MAPK10: variants seen among roughly 807,000 people sequenced by gnomAD.
The protein encoded by MAPK10 is mitogen-activated protein kinase 10.
MAPK10 carries 25 observed loss-of-function variants against 59.3 expected under a neutral mutation model. That is an observed-to-expected ratio of 0.42 (90% CI 0.31 to 0.59). The LOEUF is 0.59. Among genes scored for constraint, MAPK10 ranks in the 20% least tolerant of loss-of-function variants. The pLI, the probability that MAPK10 is intolerant of heterozygous loss-of-function variation, is 0.15. For synonymous variants in MAPK10, 190 were observed against 200.5 expected (o/e 0.95, Z 0.44); for missense variants, 351 against 568.9 (o/e 0.62, Z 3.90).
chr4:86,105,039 G>T (rs1253871608), intron 5 of MAPK10, among the ~76,000 whole-genome samples: 1 of 152,002 alleles, frequency 6.6e-6, no homozygotes, highest in Non-Finnish European at 1.5e-5. Context: ...TGTTTGTCAG[G>T]CCCCACTAGT....
intron 13 of MAPK10, among the ~76,000 whole-genome samples, chr4:86,021,666 C>A (rs1362846646): frequency 6.6e-6 from 1 of 152,214 alleles, no homozygotes; most frequent in Non-Finnish European, 1.5e-5. Flanking sequence ...GGGTGGTGCT[C>A]GTCGGGGAGG....
chr4:86,075,104 T>A (rs1019029448), intron 9 of MAPK10, among the ~76,000 whole-genome samples: 2 of 151,084 alleles, frequency 1.3e-5, no homozygotes, highest in African/African-American at 4.9e-5. Flanking sequence ...TTTTTATTCT[T>A]TTTTCTCTAA....
intron 1 of MAPK10, among the ~76,000 whole-genome samples, chr4:86,561,267 G>A (rs575648779): frequency 1.3e-5 from 2 of 152,300 alleles, no homozygotes; most frequent in South Asian, 2.1e-4. Flanking sequence ...TGGCCTGGGG[G>A]ATGGGGATCC....
Position 86,537,067 on chromosome 4 carries a change from G to A in MAPK10, c.-263+56843C>T, listed in dbSNP as rs573460700. Among the ~76,000 whole-genome samples, 37 of 152,252 alleles carry A rather than the reference G, an allele frequency of 2.4e-4. No homozygotes were observed. In the South Asian group the frequency reaches 6.4e-3, roughly 26 times the overall value. The stretch of plus-strand genomic sequence containing the variant: ...TGAGGGTAGCCTGACTCAGGTTGTC[G>A]GAACCTCAGTAGGATGAAGAGGGAA... On this transcript the variant is annotated intron_variant, in intron 1 of 4. Transcript: ENST00000502302.
At chr4:86,217,810 T>TTA (rs138137476) in intron 2 of MAPK10, among the ~76,000 whole-genome samples, 12,809 of 151,976 alleles carry the variant, frequency 0.084, 1,191 homozygotes, top group African/African-American at 0.23. Context: ...ATATATATGC[T>TTA]TATATATATA....
intron 2 of MAPK10, among the ~76,000 whole-genome samples, chr4:86,349,340 T>G (rs1418009461): frequency 6.6e-6 from 1 of 152,258 alleles, no homozygotes; most frequent in Non-Finnish European, 1.5e-5. Flanking sequence ...TTCATGTGTC[T>G]GTCTTTGTCC....
Position 86,375,698 on chromosome 4 carries a change from G to A in MAPK10, c.-121-21054C>T, listed in dbSNP as rs1408625484. ...CCACTGCACTCCAGCTAGGGTGACAGAGCAAGGTCCACTCTAAAAAAAAAA... is the reference window on the plus strand; with the variant it reads ...CCACTGCACTCCAGCTAGGGTGACAAAGCAAGGTCCACTCTAAAAAAAAAA... On this transcript the variant is annotated intron_variant, in intron 1 of 13. Coordinates refer to the MAPK10 transcript ENST00000361569. 3.1e-4 allele frequency among the ~76,000 whole-genome samples: 31 copies of A among 100,254 alleles called. No homozygotes were observed. The Admixed American group carries it at 5.2e-3, about 17-fold the overall frequency. 65.8% of individuals were successfully genotyped at this position (100,254 alleles called of 152,430 possible).
chr4:86,322,278 A>G (rs2095913116), intron 2 of MAPK10, among the ~76,000 whole-genome samples: 1 of 152,240 alleles, frequency 6.6e-6, no homozygotes, highest in Non-Finnish European at 1.5e-5. Context: ...TCTTTTCTGC[A>G]TCAGCTTCTC....
intron 5 of MAPK10, among the ~76,000 whole-genome samples, chr4:86,103,516 C>G (rs1378067710): frequency 1.3e-5 from 2 of 151,970 alleles, no homozygotes; most frequent in East Asian, 1.9e-4. Context: ...ACACTGCTTT[C>G]AAGTGTGATT....
chr4:86,529,163 T>C (rs970736354), intron 1 of MAPK10, among the ~76,000 whole-genome samples: 3 of 152,232 alleles, frequency 2.0e-5, no homozygotes, highest in African/African-American at 7.2e-5. Flanking sequence ...TTTAGCCTAT[T>C]GTCTCCGGGC....
chr4:86,097,155 A>C (rs1039186719), intron 9 of MAPK10, among the ~76,000 whole-genome samples: 1 of 152,026 alleles, frequency 6.6e-6, no homozygotes, highest in African/African-American at 2.4e-5. Flanking sequence ...AATATCTTCA[A>C]AATCTGGTAT....
At chr4:86,088,245 G>A (rs1439677009) in intron 9 of MAPK10, among the ~76,000 whole-genome samples, 3 of 152,176 alleles carry the variant, frequency 2.0e-5, no homozygotes, top group African/African-American at 4.8e-5. Flanking sequence ...GCAGCAGCAC[G>A]ATCACTGCTC....
chr4:86,236,580 A>G (rs965829601), intron 2 of MAPK10, among the ~76,000 whole-genome samples: 1 of 152,200 alleles, frequency 6.6e-6, no homozygotes, highest in African/African-American at 2.4e-5. Context: ...GTATTTTTCA[A>G]GTATATTTTG....
chr4:86,119,583 CAAAAAAAAAAAA>C, intron 4 of MAPK10: 1 of 52,658 alleles, frequency 1.9e-5, no homozygotes, highest in South Asian at 8.8e-4. Context: ...GACTCCATCA[CAAAAAAAAAAAA>C]AAAAAAAAAG....
chr4:86,566,889 C>G (rs573806126), intron 1 of MAPK10, among the ~76,000 whole-genome samples: 2 of 151,734 alleles, frequency 1.3e-5, no homozygotes, highest in Non-Finnish European at 2.9e-5. Context: ...GGCAACATGG[C>G]GAAACCCCGT....
intron 2 of MAPK10, among the ~76,000 whole-genome samples, chr4:86,311,891 T>A (rs2095677082): frequency 6.6e-6 from 1 of 152,152 alleles, no homozygotes; most frequent in South Asian, 2.1e-4. Context: ...CTCGTTCTTC[T>A]ACACCTTCTC....
chr4:86,063,623 G>C (rs1298777876), intron 11 of MAPK10, among the ~76,000 whole-genome samples: 1 of 152,152 alleles, frequency 6.6e-6, no homozygotes, highest in Non-Finnish European at 1.5e-5. Context: ...ATGAAAGAAA[G>C]AGGTTGAACA....
rs1578137366 is a variant in MAPK10, at chr4:86,567,500, G to A, written c.-263+26410C>T. Reference sequence around the variant, plus strand: ...CTCCCAAAGTGCTGGGATTACAGGCGTGAGCCACCACACCTGGCTGAAAAT... The same window carrying A: ...CTCCCAAAGTGCTGGGATTACAGGCATGAGCCACCACACCTGGCTGAAAAT... On this transcript the variant is annotated intron_variant, in intron 1 of 4. Transcript: ENST00000502302. 3.3e-5 allele frequency among the ~76,000 whole-genome samples: 5 copies of A among 152,286 alleles called. No homozygotes were observed. In the South Asian group the frequency reaches 8.3e-4, roughly 25 times the overall value.
intron 1 of MAPK10, among the ~76,000 whole-genome samples, chr4:86,562,367 C>T (rs1206626508): frequency 6.6e-6 from 1 of 152,150 alleles, no homozygotes. Context: ...ATGCTCCTAA[C>T]ATCAGATGCC....
Sources: allele counts gnomAD v4.1 joint callset (sites outside exome capture counted in the v4.1 genomes callset), GRCh38; gene constraint gnomAD v4.1.1; transcripts MANE v1.5; gene names NCBI Gene and HGNC (gene_info 2026-07-23, HGNC 2026-07-21).